PTPRD: variants seen among roughly 807,000 people sequenced by gnomAD.
The protein encoded by PTPRD is receptor-type tyrosine-protein phosphatase delta.
A neutral mutation model predicts 214.5 loss-of-function variants in PTPRD; 34 were observed. That is an observed-to-expected ratio of 0.16 (90% CI 0.12 to 0.21). The LOEUF is 0.21. PTPRD is among the 10% of genes least tolerant of loss of function. PTPRD has a pLI of 1.00. For synonymous variants in PTPRD, 1,128 were observed against 845.7 expected, an observed-to-expected ratio of 1.33 and a Z score of -5.79; for missense variants, 2,545 against 2,398.7, an observed-to-expected ratio of 1.06 and a Z score of -1.27.
At chr9:8,433,440 C>A (rs1384476283) in intron 35 of PTPRD, among the ~76,000 whole-genome samples, 2 of 152,142 alleles carry the variant, frequency 1.3e-5, no homozygotes, top group Non-Finnish European at 2.9e-5. Flanking sequence ...TTAGGTAGGT[C>A]CTTCAAGAGT....
intron 2 of PTPRD, among the ~76,000 whole-genome samples, chr9:10,546,862 C>G (rs757280295): frequency 7.9e-5 from 12 of 151,866 alleles, no homozygotes; most frequent in Non-Finnish European, 2.9e-5. Context: ...TAGAAAATTC[C>G]CCATTACAAC....
intron 26 of PTPRD, among the ~76,000 whole-genome samples, chr9:8,493,316 T>C (rs2097188793): frequency 6.6e-6 from 1 of 152,278 alleles, no homozygotes; most frequent in South Asian, 2.1e-4. Flanking sequence ...CCATTTCCCA[T>C]CTGAATGTTG....
intron 9 of PTPRD, among the ~76,000 whole-genome samples, chr9:9,185,418 C>T (rs1299705712): frequency 6.6e-6 from 1 of 152,036 alleles, no homozygotes; most frequent in Non-Finnish European, 1.5e-5. Context: ...TTTGGGGCCA[C>T]TTCCTAAGGG....
intron 21 of PTPRD, among the ~76,000 whole-genome samples, chr9:8,512,960 C>T (rs1300006007): frequency 1.3e-5 from 2 of 151,946 alleles, no homozygotes; most frequent in African/African-American, 2.4e-5. Context: ...GGTACAATTA[C>T]CTTTACAAGA....
At chr9:8,507,493 T>G (rs1355002997) in intron 21 of PTPRD, 59 bp from the exon 22 acceptor site, 2 of 1,605,552 alleles carry the variant, frequency 1.2e-6, no homozygotes, top group Non-Finnish European at 1.7e-6. Context: ...CACAAAGTTC[T>G]TCCATTAGCG....
intron 14 of PTPRD, among the ~76,000 whole-genome samples, chr9:8,566,736 GTGAATTACCCAGAAACTA>G (rs2089389722): frequency 6.6e-6 from 1 of 152,146 alleles, no homozygotes; most frequent in Admixed American, 6.5e-5. Flanking sequence ...CATATCCATT[GTGAATTACCCAGAAACTA>G]TACATTTTAA....
intron 3 of PTPRD, among the ~76,000 whole-genome samples, chr9:10,153,886 T>C (rs949819048): frequency 3.3e-5 from 5 of 152,304 alleles, no homozygotes; most frequent in East Asian, 1.9e-4. Flanking sequence ...CAGTCTACCA[T>C]TGATGGGCAT....
intron 10 of PTPRD, among the ~76,000 whole-genome samples, chr9:9,104,500 T>C (rs1332283402): frequency 1.3e-5 from 2 of 152,150 alleles, no homozygotes; most frequent in Non-Finnish European, 2.9e-5. Context: ...ATAAAGGCTG[T>C]TTAATGGTAA....
chr9:9,328,929 C>T (rs1056992936), intron 9 of PTPRD, among the ~76,000 whole-genome samples: 19 of 151,994 alleles, frequency 1.3e-4, no homozygotes, highest in East Asian at 3.9e-4. Flanking sequence ...TGAGCCACCG[C>T]GCCTAGCATT....
At chr9:10,176,589 A>G (rs559214920) in intron 3 of PTPRD, among the ~76,000 whole-genome samples, 6 of 152,120 alleles carry the variant, frequency 3.9e-5, no homozygotes, top group Admixed American at 2.6e-4. Flanking sequence ...GGAAAAGGTT[A>G]TCTTGAACAA....
At chr9:9,184,515 T>A (rs2099930184) in intron 9 of PTPRD, among the ~76,000 whole-genome samples, 2 of 152,064 alleles carry the variant, frequency 1.3e-5, no homozygotes, top group African/African-American at 4.8e-5. Flanking sequence ...TAAGGTCTAT[T>A]CACAGTACAG....
intron 2 of PTPRD, among the ~76,000 whole-genome samples, chr9:10,577,170 TTGTTTAAC>T (rs1477514936): frequency 1.3e-5 from 2 of 152,230 alleles, no homozygotes; most frequent in Admixed American, 6.5e-5. Context: ...CATGTCTTCA[TTGTTTAAC>T]AAGGATATCC....
chr9:8,894,389 T>G (rs1216234433), intron 11 of PTPRD, among the ~76,000 whole-genome samples: 1 of 107,238 alleles, frequency 9.3e-6, no homozygotes, highest in African/African-American at 2.7e-5. Flanking sequence ...TGCAACTGCA[T>G]GCGACTGTAT....
chr9:10,045,403 G>A (rs917127533), intron 3 of PTPRD, among the ~76,000 whole-genome samples: 3 of 151,590 alleles, frequency 2.0e-5, no homozygotes, highest in East Asian at 1.9e-4. Context: ...AGTGGCTACC[G>A]TATTTTCTAT....
At chr9:9,970,587 G>A (rs897371645) in intron 4 of PTPRD, among the ~76,000 whole-genome samples, 2 of 152,092 alleles carry the variant, frequency 1.3e-5, no homozygotes, top group African/African-American at 4.8e-5. Context: ...CCCACACAGG[G>A]CAGACAAGCT....
At chr9:9,604,947 T>A (rs986552390) in intron 7 of PTPRD, among the ~76,000 whole-genome samples, 5 of 152,030 alleles carry the variant, frequency 3.3e-5, no homozygotes, top group African/African-American at 1.2e-4. Context: ...CAGGAGGTGG[T>A]CCCTGATATT....
At chr9:9,856,638 C>T (rs999560899) in intron 5 of PTPRD, among the ~76,000 whole-genome samples, 5 of 146,912 alleles carry the variant, frequency 3.4e-5, no homozygotes, top group African/African-American at 1.3e-4. Flanking sequence ...GAAAATTTAC[C>T]AAAAAAAAAA....
intron 3 of PTPRD, among the ~76,000 whole-genome samples, chr9:10,145,135 T>A (rs888568889): frequency 6.6e-6 from 1 of 152,158 alleles, no homozygotes; most frequent in African/African-American, 2.4e-5. Flanking sequence ...AGGTTTAGAT[T>A]ACATTTTAAT....
Position 9,513,909 on chromosome 9 carries a change from G to A in PTPRD, c.-237+60823C>T, listed in dbSNP as rs534871042. 2.0e-5 allele frequency among the ~76,000 whole-genome samples: 3 copies of A among 152,148 alleles called. No homozygotes were observed. In the South Asian group the frequency reaches 6.2e-4, roughly 32 times the overall value. On this transcript the variant is annotated intron_variant, in intron 8 of 45. Transcript: ENST00000381196. ...GTGGATAAATGTTGATGGCAGAAGA[G>A]AGTAAAAATGTCTTGTGAATAAGGC...
Sources: allele counts gnomAD v4.1 joint callset (sites outside exome capture counted in the v4.1 genomes callset), GRCh38; gene constraint gnomAD v4.1.1; transcripts MANE v1.5; gene names NCBI Gene and HGNC (gene_info 2026-07-23, HGNC 2026-07-21).